Variants in MEGF9 observed in about 807,000 individuals in gnomAD.
MEGF9 encodes multiple EGF like domains 9.
MEGF9 carries 6 observed loss-of-function variants against 46.8 expected under a neutral mutation model. The observed-to-expected ratio is 0.13, with a 90% CI of 0.07 to 0.25. The LOEUF (loss-of-function observed/expected upper bound fraction) is 0.25. Among genes scored for constraint, MEGF9 ranks in the 10% least tolerant of loss-of-function variants. MEGF9 has a pLI of 1.00. For missense variants in MEGF9, 683 were observed against 792.4 expected (o/e 0.86, Z 1.66); for synonymous variants, 302 against 330.7 (o/e 0.91, Z 0.94).
At chr9:120,700,738 A>G (rs2043900469) in intron 1 of MEGF9, among the ~76,000 whole-genome samples, 1 of 152,040 alleles carries the variant, frequency 6.6e-6, no homozygotes, top group African/African-American at 2.4e-5. Context: ...TTCAGAGTGA[A>G]TAACATCTAC....
intron 1 of MEGF9, among the ~76,000 whole-genome samples, chr9:120,698,888 C>T (rs1411569149): frequency 2.6e-5 from 4 of 152,282 alleles, no homozygotes; most frequent in East Asian, 1.9e-4. Flanking sequence ...TAGGGTAGCA[C>T]CTAGGCCTTT....
chr9:120,681,902 C>T (rs1465340633), intron 1 of MEGF9, among the ~76,000 whole-genome samples: 2 of 152,186 alleles, frequency 1.3e-5, no homozygotes, highest in Non-Finnish European at 2.9e-5. Context: ...GACTTGGGTG[C>T]AAATCTGAAT....
chr9:120,646,047 T>C (rs1224347704), intron 2 of MEGF9, among the ~76,000 whole-genome samples: 3 of 152,158 alleles, frequency 2.0e-5, no homozygotes, highest in African/African-American at 7.2e-5. Flanking sequence ...TAAGTTCAAC[T>C]TAGAAATACA....
At chr9:120,613,141 G>A (rs1455587385) in intron 3 of MEGF9, among the ~76,000 whole-genome samples, 2 of 152,014 alleles carry the variant, frequency 1.3e-5, no homozygotes, top group African/African-American at 2.4e-5. Flanking sequence ...TAGCCACCCA[G>A]CCTAAATCTT....
intron 2 of MEGF9, among the ~76,000 whole-genome samples, chr9:120,631,148 T>C (rs1234827807): frequency 1.3e-5 from 2 of 152,200 alleles, no homozygotes; most frequent in Non-Finnish European, 2.9e-5. Flanking sequence ...TTGGAAACGA[T>C]TTTTGTATAT....
At position 120,603,363 on chromosome 9, in the gene MEGF9, AC is replaced by A. The variant is rs2043406075; in HGVS notation, c.*1826del. 6.6e-6 allele frequency: 1 copy of A among 152,196 alleles called. No individual in the cohort carries two copies. Among genetic ancestry groups the A allele is most frequent in the South Asian group, 2.1e-4 (1 of 4,826 alleles). The allele number at this position is 152,196 out of a possible 1,614,324, so 9.4% of individuals were successfully genotyped here. On this transcript the variant is annotated 3_prime_UTR_variant, in exon 6 of 6. Coordinates refer to ENST00000373930, the MANE Select transcript of MEGF9 (RefSeq NM_001080497.3). ...TTTTCATATAATGTAATATAATGTA[AC>A]CTCTATTCTTCTGAGCAATGGCCAA... is the stretch of plus-strand genomic sequence containing the variant.
intron 1 of MEGF9, among the ~76,000 whole-genome samples, chr9:120,686,359 T>A (rs2043822183): frequency 6.6e-6 from 1 of 152,226 alleles, no homozygotes. Context: ...ATTACAATCG[T>A]GAGCCACCAG....
At chr9:120,666,238 T>A (rs951127506) in intron 1 of MEGF9, among the ~76,000 whole-genome samples, 1 of 152,224 alleles carries the variant, frequency 6.6e-6, no homozygotes, top group Non-Finnish European at 1.5e-5. Flanking sequence ...AAAACCTGTA[T>A]TAAGTTATTC....
chr9:120,629,942 AAAAAG>A (rs969765257), intron 2 of MEGF9, among the ~76,000 whole-genome samples: 9 of 152,164 alleles, frequency 5.9e-5, no homozygotes, highest in South Asian at 2.1e-4. Context: ...CAAAAAAAAA[AAAAAG>A]AAAAGTTTTA....
chr9:120,657,942 T>G (rs998334065), intron 2 of MEGF9, among the ~76,000 whole-genome samples: 1 of 152,118 alleles, frequency 6.6e-6, no homozygotes, highest in African/African-American at 2.4e-5. Flanking sequence ...GAAGCATTGA[T>G]TATTGCTGCA....
At chr9:120,632,241 A>T (rs2043553706) in intron 2 of MEGF9, among the ~76,000 whole-genome samples, 1 of 152,036 alleles carries the variant, frequency 6.6e-6, no homozygotes, top group Non-Finnish European at 1.5e-5. Flanking sequence ...ATATCTTTTA[A>T]TTTTTTAAAT....
intron 1 of MEGF9, among the ~76,000 whole-genome samples, chr9:120,705,857 C>G (rs1466732293): frequency 6.6e-6 from 1 of 151,158 alleles, no homozygotes; most frequent in Non-Finnish European, 1.5e-5. Flanking sequence ...CCTAAGTGAT[C>G]ACAGAAGAGG....
At position 120,605,206 on chromosome 9, in the gene MEGF9, T is replaced by C. The variant is rs377070491; in HGVS notation, c.1793A>G (p.His598Arg). The C allele has an allele frequency of 3.7e-6, 6 of 1,613,272 alleles. No individual in the cohort carries two copies. The highest frequency in any genetic ancestry group is 5.1e-6 in the Non-Finnish European group (6 of 1,179,496). The change falls in exon 6 of 6, where the codon CAT becomes CGT. Residue 598 changes from histidine (H) to arginine (R), a missense_variant. By Grantham distance (29) the His-to-Arg change is conservative. Transcript: ENST00000373930. The surrounding 1 kb of genome is among the most constrained non-coding windows in gnomAD (Gnocchi z 4.0). The stretch of plus-strand genomic sequence containing the variant: ...TCTAGCTCCTTAGGCTTTGTAGTTA[T>C]GTATGGGCGTCGTCAGGGTCAGCTG... ...NGQLTLTTPI[H>R]NYKA
chr9:120,704,136 C>G (rs978876852), intron 1 of MEGF9, among the ~76,000 whole-genome samples: 3 of 152,052 alleles, frequency 2.0e-5, no homozygotes, highest in Non-Finnish European at 4.4e-5. Context: ...AAGTTCAAGA[C>G]CAACCTGGCC....
At chr9:120,629,994 C>T (rs972631948) in intron 2 of MEGF9, among the ~76,000 whole-genome samples, 3 of 151,868 alleles carry the variant, frequency 2.0e-5, no homozygotes, top group Non-Finnish European at 2.9e-5. Context: ...TTGTCTATGG[C>T]TATTTTCACT....
intron 1 of MEGF9, among the ~76,000 whole-genome samples, chr9:120,702,000 G>A (rs1388780830): frequency 1.3e-5 from 2 of 151,446 alleles, no homozygotes; most frequent in African/African-American, 2.4e-5. Context: ...CCGAGATCAC[G>A]CCACTGCTCT....
rs1041833255 is a variant in MEGF9, at chr9:120,714,276, G to A, written c.83C>T (p.Ala28Val). The change falls in exon 1 of 6, where the codon GCC (alanine) becomes GTC (valine). Residue 28 changes from alanine to valine, a missense_variant. Ala to Val is a moderately conservative substitution (Grantham distance 64). Around this residue, in one of 2 missense-constraint regions of MEGF9, gnomAD observed 370 missense variants for 371.3 expected, o/e 1.00. Transcript: ENST00000373930. ...GGCGGCTGAGGCGACGGCGGCGGCG[G>A]CGGCGGCGGCGGCGCAGCACAACAG... The part of the protein sequence containing the change: ...LALLCCAAAA[A>V]AAAVASAASA... 5 of 1,252,188 alleles carry A rather than the reference G, an allele frequency of 4.0e-6. No homozygotes were observed. Among genetic ancestry groups the A allele is most frequent in the African/African-American group, 1.6e-5 (1 of 64,040 alleles). 77.6% of individuals were successfully genotyped at this position (1,252,188 alleles called of 1,614,324 possible). A position where few individuals can be genotyped will look rare whatever the true frequency, so the allele number is the denominator to read the frequency against.
chr9:120,616,346 A>G (rs542613853), intron 3 of MEGF9, among the ~76,000 whole-genome samples: 13 of 152,212 alleles, frequency 8.5e-5, no homozygotes, highest in Non-Finnish European at 1.5e-4. Flanking sequence ...TGCTTCTTTA[A>G]TAGCTTACAA....
intron 1 of MEGF9, among the ~76,000 whole-genome samples, chr9:120,684,277 T>A (rs2043811621): frequency 6.6e-6 from 1 of 152,198 alleles, no homozygotes. Context: ...TGAAATTAAG[T>A]CTGCTTGCTT....
Sources: gnomAD v4.1 joint callset for allele counts (sites outside exome capture counted in the v4.1 genomes callset) on GRCh38, gnomAD v4.1.1 for gene constraint, gnomAD v4.1.1 regional missense constraint, Gnocchi (gnomAD v3.1) non-coding constraint, MANE v1.5 for transcripts, NCBI Gene and HGNC (gene_info 2026-07-23, HGNC 2026-07-21) for gene names.